The following PLCB1 variants were observed in gnomAD, a reference collection of about 807,000 sequenced individuals.
PLCB1 encodes the protein phospholipase C beta 1.
PLCB1 carries 46 observed loss-of-function variants against 161.8 expected under a neutral mutation model. That is an observed-to-expected ratio of 0.28 (90% CI 0.22 to 0.36). The LOEUF (loss-of-function observed/expected upper bound fraction) is 0.36. Among genes scored for constraint, PLCB1 ranks in the 10% least tolerant of loss-of-function variants. The pLI is 1.00. For synonymous variants in PLCB1, 517 were observed against 503.7 expected (o/e 1.03, Z -0.35); for missense variants, 1,016 against 1,472.5 (o/e 0.69, Z 5.07).
chr20:8,730,375 A>G (rs539850495), intron 18 of PLCB1, among the ~76,000 whole-genome samples: 1 of 149,064 alleles, frequency 6.7e-6, no homozygotes, highest in South Asian at 2.1e-4. Flanking sequence ...TTACACGTTA[A>G]TAGATACAGC....
chr20:8,263,110 C>T (rs959295677), intron 2 of PLCB1, among the ~76,000 whole-genome samples: 3 of 152,128 alleles, frequency 2.0e-5, no homozygotes, highest in African/African-American at 4.8e-5. Context: ...GGACAACTTA[C>T]TTAACCTCTC....
At chr20:8,600,398 C>T (rs1242842974) in intron 3 of PLCB1, among the ~76,000 whole-genome samples, 1 of 134,644 alleles carries the variant, frequency 7.4e-6, no homozygotes. Flanking sequence ...GGGTGCCTCC[C>T]AGTTAGGCTG....
Position 8,321,022 on chromosome 20 carries a change from A to G in PLCB1, c.178-50360A>G, listed in dbSNP as rs73086229. 2.9e-3 allele frequency among the ~76,000 whole-genome samples: 341 copies of G among 117,056 alleles called. 2 individuals are homozygous for G. Among genetic ancestry groups the G allele is most frequent in the African/African-American group, 9.3e-3 (303 of 32,664 alleles). The allele number at this position is 117,056 out of a possible 152,430, so 76.8% of individuals were successfully genotyped here. A position where few individuals can be genotyped will look rare whatever the true frequency, so the allele number is the denominator to read the frequency against. ...GGGAAGTAAAACAGGGAGGGAGATAAAGAAAGAAAGAGAGAGAGGAGAAAA... is the reference window on the plus strand; with the variant it reads ...GGGAAGTAAAACAGGGAGGGAGATAGAGAAAGAAAGAGAGAGAGGAGAAAA... On this transcript the variant is annotated intron_variant, in intron 2 of 31. Coordinates refer to ENST00000338037, the MANE Select transcript of PLCB1 (RefSeq NM_015192.4).
chr20:8,722,172 T>A lies in PLCB1; in HGVS notation c.1514-182T>A, dbSNP rs1979677998. Among the ~76,000 whole-genome samples, 3 of 152,046 alleles carry A rather than the reference T, an allele frequency of 2.0e-5. No homozygotes were observed. In the South Asian group the frequency reaches 6.2e-4, roughly 31 times the overall value. On this transcript the variant is annotated intron_variant, in intron 14 of 31. Transcript: ENST00000338037. ...CAAATCCAGTTTAGGAAAAAATCTATATTCAAAATGTCAGTATAATTTTCT... is the reference window on the plus strand; with the variant it reads ...CAAATCCAGTTTAGGAAAAAATCTAAATTCAAAATGTCAGTATAATTTTCT...
At chr20:8,795,734 G>A (rs1167681585) in intron 31 of PLCB1, among the ~76,000 whole-genome samples, 1 of 152,132 alleles carries the variant, frequency 6.6e-6, no homozygotes, top group African/African-American at 2.4e-5. Flanking sequence ...AATTAGCCAG[G>A]TGTGGTGGTG....
At chr20:8,149,495 C>T (rs559308250) in intron 1 of PLCB1, among the ~76,000 whole-genome samples, 38 of 152,230 alleles carry the variant, frequency 2.5e-4, no homozygotes, top group African/African-American at 9.1e-4. Flanking sequence ...TGATATGACA[C>T]ACTATGGTTA....
chr20:8,289,830 C>A (rs1983302988), intron 2 of PLCB1, among the ~76,000 whole-genome samples: 1 of 152,182 alleles, frequency 6.6e-6, no homozygotes, highest in South Asian at 2.1e-4. Flanking sequence ...GACTCCAAAC[C>A]ATTAGGCTGC....
intron 3 of PLCB1, among the ~76,000 whole-genome samples, chr20:8,557,613 G>A (rs927353587): frequency 2.0e-5 from 3 of 151,974 alleles, no homozygotes; most frequent in African/African-American, 7.2e-5. Flanking sequence ...TCTGAAGATG[G>A]ATGGTGGTTG....
At chr20:8,264,627 A>G (rs6140573) in intron 2 of PLCB1, among the ~76,000 whole-genome samples, 11,190 of 152,184 alleles carry the variant, frequency 0.074, 492 homozygotes, top group East Asian at 0.16. Flanking sequence ...TCACTAGGTT[A>G]TAGGAATTTT....
At chr20:8,779,394 T>C (rs143088316) in intron 27 of PLCB1, among the ~76,000 whole-genome samples, 3 of 151,622 alleles carry the variant, frequency 2.0e-5, no homozygotes, top group Non-Finnish European at 2.9e-5. Context: ...GATATAACTA[T>C]TTGCCTAACT....
intron 3 of PLCB1, among the ~76,000 whole-genome samples, chr20:8,583,330 A>G (rs1361810388): frequency 6.6e-6 from 1 of 152,250 alleles, no homozygotes; most frequent in Non-Finnish European, 1.5e-5. Flanking sequence ...GAACTTAAAA[A>G]TGGTAAAAGT....
chr20:8,877,307 C>T (rs183387172), intron 31 of PLCB1, among the ~76,000 whole-genome samples: 4 of 152,252 alleles, frequency 2.6e-5, no homozygotes, highest in Admixed American at 1.3e-4. Flanking sequence ...GACCTAACTT[C>T]GGGAGTCCCC....
intron 2 of PLCB1, among the ~76,000 whole-genome samples, chr20:8,346,838 C>T (rs931586371): frequency 2.6e-5 from 4 of 152,042 alleles, no homozygotes; most frequent in African/African-American, 4.8e-5. Context: ...TTCCAAAAGG[C>T]GATTTCCTTC....
chr20:8,702,412 G>A (rs1439026112), intron 11 of PLCB1, among the ~76,000 whole-genome samples: 2 of 152,072 alleles, frequency 1.3e-5, no homozygotes, highest in South Asian at 2.1e-4. Flanking sequence ...ATATAAGATG[G>A]AAAACTGGAT....
intron 3 of PLCB1, among the ~76,000 whole-genome samples, chr20:8,555,937 T>C (rs2123006893): frequency 6.6e-6 from 1 of 152,124 alleles, no homozygotes; most frequent in Admixed American, 6.6e-5. Flanking sequence ...TAAAATCGTT[T>C]TAGACTTGAC....
In PLCB1 at chr20:8,760,419, C is replaced by T. The variant is rs2123572097; in HGVS notation, c.2669C>T (p.Ala890Val). ...TTTTATATTACAGGTTCTGTAAAGG[C>T]ACCTGCCAAAACAGAAGATCTTATT... ...HSQPAPGSVK[A>V]PAKTEDLIQS... The change falls in exon 25 of 32, where the codon GCA (alanine) becomes GTA (valine). Residue 890 changes from alanine to valine, a missense_variant. Around this residue, in one of 10 missense-constraint regions of PLCB1, gnomAD observed 398 missense variants for 445.4 expected, o/e 0.89. Coordinates refer to ENST00000338037, the MANE Select transcript of PLCB1 (RefSeq NM_015192.4). The T allele has an allele frequency of 6.2e-7, 1 of 1,607,750 alleles. No homozygotes were observed. The highest frequency in any genetic ancestry group is 8.5e-7 in the Non-Finnish European group (1 of 1,174,666).
intron 2 of PLCB1, among the ~76,000 whole-genome samples, chr20:8,322,755 A>C (rs2122165128): frequency 6.6e-6 from 1 of 152,302 alleles, no homozygotes; most frequent in South Asian, 2.1e-4. Flanking sequence ...TTTGAATTAA[A>C]CATGACAGAA....
intron 3 of PLCB1, among the ~76,000 whole-genome samples, chr20:8,471,488 C>G (rs1416199141): frequency 6.6e-6 from 1 of 152,076 alleles, no homozygotes; most frequent in African/African-American, 2.4e-5. Context: ...GATGAAACAG[C>G]AGCAATTGTT....
chr20:8,670,299 ACT>A (rs1430318985), intron 9 of PLCB1, among the ~76,000 whole-genome samples: 1 of 152,224 alleles, frequency 6.6e-6, no homozygotes, highest in Non-Finnish European at 1.5e-5. Context: ...GAGTAAATAA[ACT>A]CACAGATGTG....
Sources: gnomAD v4.1 joint callset for allele counts (sites outside exome capture counted in the v4.1 genomes callset) on GRCh38, gnomAD v4.1.1 for gene constraint, gnomAD v4.1.1 regional missense constraint, MANE v1.5 for transcripts, NCBI Gene and HGNC (gene_info 2026-07-23, HGNC 2026-07-21) for gene names.